The following SETX variants were observed in gnomAD, a reference collection of about 807,000 sequenced individuals.
SETX encodes senataxin.
A neutral mutation model predicts 227.2 loss-of-function variants in SETX; 90 were observed. The observed-to-expected ratio is 0.40, with a 90% CI of 0.33 to 0.47. The LOEUF is 0.47. SETX is among the 20% of genes least tolerant of loss of function. The pLI is 0.91. For missense variants in SETX, 3,052 were observed against 3,181.5 expected (o/e 0.96, Z 0.98); for synonymous variants, 1,210 against 1,113.2 (o/e 1.09, Z -1.73).
At chr9:132,277,789 CA>C (rs372125008) in intron 21 of SETX, among the ~76,000 whole-genome samples, 755 of 68,066 alleles carry the variant, frequency 0.011, 4 homozygotes, top group African/African-American at 0.033. Flanking sequence ...ACCCTGTCTT[CA>C]AAAAAAAAAA....
chr9:132,275,433 G>T lies in SETX; in HGVS notation c.6936-13C>A. The T allele has an allele frequency of 6.3e-7, 1 of 1,588,954 alleles. No individual in the cohort carries two copies. The highest frequency in any genetic ancestry group is 8.6e-7 in the Non-Finnish European group (1 of 1,160,010). The stretch of plus-strand genomic sequence containing the variant: ...ATTTATATATGAGCTAAACAAGATG[G>T]AAAAAGAAAACACAGTGTTATCAAA... On this transcript the variant is annotated splice_polypyrimidine_tract_variant and intron_variant, in intron 22 of 25. Transcript: ENST00000224140.
At position 132,329,418 on chromosome 9, in the gene SETX, G is replaced by A. The variant is rs1156260662; in HGVS notation, c.2180C>T (p.Thr727Ile). The change falls in exon 10 of 26, where the codon ACT becomes ATT. Residue 727 changes from threonine to isoleucine, a missense_variant. Thr to Ile is a moderately conservative substitution (Grantham distance 89, BLOSUM62 -1). Transcript: ENST00000224140. ...TCCCCTTTCTGGACCATTTCTTGAA[G>A]TACAGTCCTTTGGTGTATATGAAGA... ...EISSYTPKDC[T>I]SRNGPERGCD... 2 of 1,613,716 alleles carry A rather than the reference G, an allele frequency of 1.2e-6. No homozygotes were observed. Among genetic ancestry groups the A allele is most frequent in the Non-Finnish European group, 1.7e-6 (2 of 1,179,958 alleles).
intron 23 of SETX, among the ~76,000 whole-genome samples, chr9:132,272,112 C>A (rs544738082): frequency 6.6e-6 from 1 of 151,970 alleles, no homozygotes; most frequent in Non-Finnish European, 1.5e-5. Flanking sequence ...CCTCATGATC[C>A]GCCCGCCTCG....
intron 17 of SETX, among the ~76,000 whole-genome samples, chr9:132,287,964 C>T (rs1027970386): frequency 4.6e-5 from 7 of 152,108 alleles, no homozygotes; most frequent in African/African-American, 1.4e-4. Flanking sequence ...AACTTGAGGC[C>T]GGGAGTTCGA....
At chr9:132,304,005 A>G (rs1279905548) in intron 11 of SETX, among the ~76,000 whole-genome samples, 2 of 152,132 alleles carry the variant, frequency 1.3e-5, no homozygotes, top group African/African-American at 2.4e-5. Flanking sequence ...CTGTAAACCC[A>G]GCTACTTGGG....
intron 15 of SETX, among the ~76,000 whole-genome samples, chr9:132,294,972 CT>C (rs565580343): frequency 6.6e-6 from 1 of 152,158 alleles, no homozygotes; most frequent in Non-Finnish European, 1.5e-5. Flanking sequence ...AAATCAAATC[CT>C]GTTAAAAGGC....
chr9:132,324,578 T>G (rs1564533837), intron 10 of SETX, among the ~76,000 whole-genome samples: 1 of 152,190 alleles, frequency 6.6e-6, no homozygotes, highest in African/African-American at 2.4e-5. Flanking sequence ...TCATAGAGGT[T>G]ATCTGATCTC....
chr9:132,331,307 T>A lies in SETX; in HGVS notation c.980A>T (p.Glu327Val), dbSNP rs1315992594. 6.2e-6 allele frequency: 10 copies of A among 1,613,984 alleles called. No homozygotes were observed. Among genetic ancestry groups the A allele is most frequent in the Non-Finnish European group, 8.5e-6 (10 of 1,180,014 alleles). Residue 327 changes from glutamate to valine, a missense_variant, in exon 8 of 26, where the codon GAG becomes GTG. By Grantham distance (121) the Glu-to-Val change is moderately radical. Coordinates refer to ENST00000224140, the MANE Select transcript of SETX (RefSeq NM_015046.7). Reference protein sequence around the residue: ...TIINNASYNREIRHIRNSSVR... With the variant: ...TIINNASYNRVIRHIRNSSVR... ...AGAGCTGTTCCGTATATGTCGGATC[T>A]CTCTATTGTAGCTTGCGTTGTTGAT...
intron 20 of SETX, among the ~76,000 whole-genome samples, chr9:132,279,690 T>C (rs539781354): frequency 6.6e-6 from 1 of 152,362 alleles, no homozygotes; most frequent in African/African-American, 2.4e-5. Flanking sequence ...TCCTCAAAAG[T>C]TTATCTGCGT....
chr9:132,329,043 T>C lies in SETX; in HGVS notation c.2555A>G (p.Lys852Arg). 6.2e-7 allele frequency: 1 copy of C among 1,608,748 alleles called. No homozygotes were observed. The highest frequency in any genetic ancestry group is 8.5e-7 in the Non-Finnish European group (1 of 1,178,362). ...SLDPSGVLDD[K>R]NGEQKSQNNV... ...GTTTTGAGATTTTTGTTCTCCATTC[T>C]TATCATCCAGAACACCACTAGGGTC... Residue 852 changes from lysine to arginine, a missense_variant, in exon 10 of 26, where the codon AAG becomes AGG. By Grantham distance (26) the Lys-to-Arg change is conservative. Transcript: ENST00000224140.
intron 7 of SETX, among the ~76,000 whole-genome samples, chr9:132,333,131 C>G (rs978694674): frequency 6.6e-6 from 1 of 151,470 alleles, no homozygotes; most frequent in Non-Finnish European, 1.5e-5. Context: ...GTAATCCCAA[C>G]ACTTTGAGAG....
In SETX at chr9:132,330,394, G is replaced by T. The variant is rs772044862; in HGVS notation, c.1204C>A (p.Arg402Ser). The T allele has an allele frequency of 6.2e-7, 1 of 1,613,938 alleles. No individual in the cohort carries two copies. The highest frequency in any genetic ancestry group is 8.5e-7 in the Non-Finnish European group (1 of 1,179,952). ...CATAGAAATGTGCTGTTATGAACAC[G>T]CATGTCTTGACCAATATCTGACTGA... ...VLQSDIGQDM[R>S]VHNSTFLWFI... Residue 402 changes from arginine (R) to serine (S), a missense_variant, in exon 10 of 26, where the codon CGT becomes AGT. This residue lies in a region of SETX where 39 missense variants were observed against 84.8 expected (regional missense o/e 0.46). Coordinates refer to ENST00000224140, the MANE Select transcript of SETX (RefSeq NM_015046.7).
At chr9:132,268,635 G>GA (rs1442600706) in intron 25 of SETX, among the ~76,000 whole-genome samples, 1 of 152,032 alleles carries the variant, frequency 6.6e-6, no homozygotes, top group East Asian at 1.9e-4. Flanking sequence ...TCAAAGAGAG[G>GA]AAAAAATAAA....
intron 18 of SETX, among the ~76,000 whole-genome samples, 190 bp from the exon 19 acceptor site, chr9:132,283,603 A>T (rs111831692): frequency 1.3e-5 from 2 of 152,390 alleles, no homozygotes; most frequent in Admixed American, 6.5e-5. Flanking sequence ...CAAAGCAGAA[A>T]GAATGTGTGC....
intron 5 of SETX, among the ~76,000 whole-genome samples, chr9:132,337,525 G>A (rs890738259): frequency 2.0e-5 from 3 of 151,236 alleles, no homozygotes; most frequent in Non-Finnish European, 4.4e-5. Context: ...ATAGGCATAT[G>A]CATACACAAG....
intron 10 of SETX, among the ~76,000 whole-genome samples, chr9:132,325,070 C>T (rs1846620839): frequency 6.6e-6 from 1 of 152,146 alleles, no homozygotes; most frequent in Non-Finnish European, 1.5e-5. Flanking sequence ...GAGTAAGAAA[C>T]TGGCGGCCAG....
chr9:132,335,143 C>T (rs1284114569), intron 6 of SETX, among the ~76,000 whole-genome samples: 4 of 152,142 alleles, frequency 2.6e-5, no homozygotes, highest in African/African-American at 9.6e-5. Flanking sequence ...GTAATCCCAG[C>T]ACTTTGGGAG....
intron 18 of SETX, among the ~76,000 whole-genome samples, chr9:132,285,023 T>C (rs1346000740): frequency 6.6e-6 from 1 of 151,976 alleles, no homozygotes; most frequent in Non-Finnish European, 1.5e-5. Flanking sequence ...GGATTACAGG[T>C]GCCCACCACC....
At chr9:132,291,514 T>C (rs934574120) in intron 15 of SETX, among the ~76,000 whole-genome samples, 6 of 152,142 alleles carry the variant, frequency 3.9e-5, no homozygotes, top group African/African-American at 1.4e-4. Flanking sequence ...GTAGATGAGA[T>C]TACCTGGAAA....
Sources: gnomAD v4.1 joint callset for allele counts (sites outside exome capture counted in the v4.1 genomes callset) on GRCh38, gnomAD v4.1.1 for gene constraint, gnomAD v4.1.1 regional missense constraint, MANE v1.5 for transcripts, NCBI Gene and HGNC (gene_info 2026-07-23, HGNC 2026-07-21) for gene names.